The following RAB20 variants were observed in gnomAD, a reference collection of about 807,000 sequenced individuals.
RAB20 encodes the protein ras-related protein Rab-20.
In RAB20, 2 loss-of-function variants were observed where a neutral mutation model predicts 3.7. The observed-to-expected ratio is 0.54, with a 90% CI of 0.22 to 1.69. RAB20 has a LOEUF of 1.69. Ranked by LOEUF, RAB20 falls within the 40% of genes most tolerant of loss-of-function variation. The probability of loss-of-function intolerance (pLI) is 0.19; values close to 1 mark genes in which losing one functional copy is unlikely to be tolerated. For missense variants in RAB20, 276 were observed against 311.9 expected, an observed-to-expected ratio of 0.88 and a Z score of 0.87; for synonymous variants, 126 against 130.8, an observed-to-expected ratio of 0.96 and a Z score of 0.25.
chr13:110,551,053 G>A (rs1884943516), intron 1 of RAB20, among the ~76,000 whole-genome samples: 1 of 152,172 alleles, frequency 6.6e-6, no homozygotes, highest in East Asian at 1.9e-4. Flanking sequence ...AACTGCTAAT[G>A]TCAGTCTGTG....
chr13:110,558,694 G>GTTTTTT (rs67548367), intron 1 of RAB20, among the ~76,000 whole-genome samples: 3 of 50,912 alleles, frequency 5.9e-5, no homozygotes, highest in South Asian at 1.2e-3. Context: ...CTTCCCATCT[G>GTTTTTT]TTTTTTTTTT....
rs150544098 is a variant in RAB20, at chr13:110,536,266, T to C, written c.173-12069A>G. ...GCCCTGCCGACGCCAGTTCAGACCC[T>C]ACCTCCAGGATGGGGAGAGGATGAG... On this transcript the variant is annotated intron_variant, in intron 1 of 1. Coordinates refer to ENST00000267328, the MANE Select transcript of RAB20 (RefSeq NM_017817.3). Among the ~76,000 whole-genome samples, 859 of 152,146 alleles carry C rather than the reference T, an allele frequency of 5.6e-3. 10 individuals carry two copies. Among genetic ancestry groups the C allele is most frequent in the African/African-American group, 0.019 (781 of 41,500 alleles).
At chr13:110,536,410 AATG>A (rs776178503) in intron 1 of RAB20, among the ~76,000 whole-genome samples, 3 of 152,192 alleles carry the variant, frequency 2.0e-5, no homozygotes, top group Non-Finnish European at 4.4e-5. Flanking sequence ...AGTCAGGAAG[AATG>A]ATATCTCCTC....
chr13:110,554,652 G>A (rs982030743), intron 1 of RAB20, among the ~76,000 whole-genome samples: 1 of 152,156 alleles, frequency 6.6e-6, no homozygotes, highest in African/African-American at 2.4e-5. Flanking sequence ...ATCCTCTCCT[G>A]GGCTGCACTG....
At chr13:110,550,285 C>G (rs182078620) in intron 1 of RAB20, among the ~76,000 whole-genome samples, 1 of 152,152 alleles carries the variant, frequency 6.6e-6, no homozygotes, top group South Asian at 2.1e-4. Context: ...TCTCTTCATG[C>G]GGTTGTTCAT....
intron 1 of RAB20, among the ~76,000 whole-genome samples, chr13:110,544,842 C>A (rs886764318): frequency 6.6e-6 from 1 of 152,218 alleles, no homozygotes; most frequent in Non-Finnish European, 1.5e-5. Flanking sequence ...CCGTTCAAAT[C>A]TCAACTTGAA....
rs1056720836 is a variant in RAB20, at chr13:110,561,574, C to T, written c.-55G>A. On this transcript the variant is annotated 5_prime_UTR_variant, in exon 1 of 2. Transcript: ENST00000267328. ...GCCCTCTCCCCGAGGCTGGCCGGCT[C>T]GTGCGCCCTGGGCGCAGCTGGAGGA... is the stretch of plus-strand genomic sequence containing the variant. The T allele has an allele frequency of 2.0e-6, 3 of 1,501,168 alleles. No homozygotes were observed. Among genetic ancestry groups the T allele is most frequent in the Non-Finnish European group, 2.7e-6 (3 of 1,127,390 alleles). The allele number at this position is 1,501,168 out of a possible 1,614,324, so 93.0% of individuals were successfully genotyped here.
intron 1 of RAB20, among the ~76,000 whole-genome samples, chr13:110,530,267 G>A (rs1884511198): frequency 3.2e-4 from 1 of 3,084 alleles, no homozygotes; most frequent in South Asian, 0.033. Context: ...GGTCCCACCC[G>A]CCCCACCTCT....
chr13:110,544,799 C>T (rs1349973024), intron 1 of RAB20, among the ~76,000 whole-genome samples: 1 of 152,188 alleles, frequency 6.6e-6, no homozygotes, highest in Non-Finnish European at 1.5e-5. Context: ...CCTCAAATCT[C>T]AAGTAGGTCT....
At chr13:110,558,932 G>A (rs570826727) in intron 1 of RAB20, among the ~76,000 whole-genome samples, 71 of 151,788 alleles carry the variant, frequency 4.7e-4, no homozygotes, top group African/African-American at 1.5e-3. Flanking sequence ...TCTTGACCTC[G>A]TGATCCACCC....
intron 1 of RAB20, among the ~76,000 whole-genome samples, chr13:110,544,005 TGACTTAAGC>T (rs1179075477): frequency 6.6e-6 from 1 of 152,058 alleles, no homozygotes; most frequent in Non-Finnish European, 1.5e-5. Context: ...AAACTCCTCC[TGACTTAAGC>T]GATCCACCCA....
chr13:110,554,810 C>T (rs1317792143), intron 1 of RAB20, among the ~76,000 whole-genome samples: 1 of 152,190 alleles, frequency 6.6e-6, no homozygotes, highest in African/African-American at 2.4e-5. Flanking sequence ...CAGAGAGGGC[C>T]TGGAGAACCT....
At chr13:110,536,044 A>G (rs1054241579) in intron 1 of RAB20, among the ~76,000 whole-genome samples, 3 of 152,236 alleles carry the variant, frequency 2.0e-5, no homozygotes, top group Non-Finnish European at 4.4e-5. Flanking sequence ...AATCACATCT[A>G]ACTGGTGTCC....
At chr13:110,560,562 T>C (rs772123579) in intron 1 of RAB20, among the ~76,000 whole-genome samples, 3 of 152,136 alleles carry the variant, frequency 2.0e-5, no homozygotes, top group Non-Finnish European at 4.4e-5. Context: ...CTATTTCCAG[T>C]TTCTTCATTC....
rs142951978 is a variant in RAB20, at chr13:110,555,849, G to A, written c.172+5499C>T. Reference sequence around the variant, plus strand: ...GCCCCCAGCCTTCCCTCCTCTCGCCGTGGCCTCCCCATTTATTAGAGACTT... The same window carrying A: ...GCCCCCAGCCTTCCCTCCTCTCGCCATGGCCTCCCCATTTATTAGAGACTT... On this transcript the variant is annotated intron_variant, in intron 1 of 1. Transcript: ENST00000267328. This position sits in a 1 kb window ranked among gnomAD's most constrained non-coding sequence, Gnocchi z 4.0. Among the ~76,000 whole-genome samples the A allele has an allele frequency of 7.1e-3, 1,077 of 152,254 alleles. 6 individuals carry two copies. Among genetic ancestry groups the A allele is most frequent in the Non-Finnish European group, 0.011 (750 of 68,020 alleles).
At chr13:110,529,167 G>A (rs2139574726) in intron 1 of RAB20, among the ~76,000 whole-genome samples, 1 of 152,354 alleles carries the variant, frequency 6.6e-6, no homozygotes, top group African/African-American at 2.4e-5. Context: ...ATAAAATGGT[G>A]TCACTACAAC....
rs539463357 is a variant in RAB20, at chr13:110,561,671, G to T, written c.-152C>A. ...GACCTTCGCCTCCGGACGCCCGGGA[G>T]CTCAAGAGAGGAAGCGCGTGTGCGC... On this transcript the variant is annotated 5_prime_UTR_variant, in exon 1 of 2. Coordinates refer to ENST00000267328, the MANE Select transcript of RAB20 (RefSeq NM_017817.3). 7.6e-7 allele frequency: 1 copy of T among 1,314,692 alleles called. No individual in the cohort carries two copies. Among genetic ancestry groups the T allele is most frequent in the East Asian group, 3.1e-5 (1 of 32,330 alleles). The allele number at this position is 1,314,692 out of a possible 1,614,324, so 81.4% of individuals were successfully genotyped here. A position where few individuals can be genotyped will look rare whatever the true frequency, so the allele number is the denominator to read the frequency against.
In RAB20 at chr13:110,524,210, G is replaced by C. The variant is rs973168378; in HGVS notation, c.173-13C>G. On this transcript the variant is annotated splice_polypyrimidine_tract_variant and intron_variant, in intron 1 of 1. Transcript: ENST00000267328. ...AACTGCTCCCGCCCTGGTGGGAAGA[G>C]AGGGACAGAAAGAGTGGTTATCTCT... 1.9e-6 allele frequency: 3 copies of C among 1,570,606 alleles called. No individual in the cohort carries two copies. The highest frequency in any genetic ancestry group is 1.3e-5 in the African/African-American group (1 of 74,340).
Position 110,561,671 on chromosome 13 carries a change from G to C in RAB20, c.-152C>G, listed in dbSNP as rs539463357. Reference sequence around the variant, plus strand: ...GACCTTCGCCTCCGGACGCCCGGGAGCTCAAGAGAGGAAGCGCGTGTGCGC... The same window carrying C: ...GACCTTCGCCTCCGGACGCCCGGGACCTCAAGAGAGGAAGCGCGTGTGCGC... On this transcript the variant is annotated 5_prime_UTR_variant, in exon 1 of 2. Transcript: ENST00000267328. The C allele has an allele frequency of 7.6e-7, 1 of 1,314,692 alleles. No individual in the cohort carries two copies. The highest frequency in any genetic ancestry group is 2.8e-4 in the Middle Eastern group (1 of 3,614). The allele number at this position is 1,314,692 out of a possible 1,614,324, so 81.4% of individuals were successfully genotyped here.
Sources: gnomAD v4.1 joint callset for allele counts (sites outside exome capture counted in the v4.1 genomes callset) on GRCh38, gnomAD v4.1.1 for gene constraint, Gnocchi (gnomAD v3.1) non-coding constraint, MANE v1.5 for transcripts, NCBI Gene and HGNC (gene_info 2026-07-23, HGNC 2026-07-21) for gene names.